The following PARD3 variants were observed in gnomAD, a reference collection of about 807,000 sequenced individuals.
PARD3 encodes the protein par-3 family cell polarity regulator.
In PARD3, 75 loss-of-function variants were observed where a neutral mutation model predicts 155.4. That is an observed-to-expected ratio of 0.48 (90% CI 0.40 to 0.58). The LOEUF (loss-of-function observed/expected upper bound fraction) is 0.58, where lower values mean the gene tolerates loss of function less well. PARD3 is among the 20% of genes least tolerant of loss of function. The pLI, the probability that PARD3 is intolerant of heterozygous loss-of-function variation, is 0.00. For missense variants in PARD3, 1,642 were observed against 1,721.7 expected (o/e 0.95, Z 0.82); for synonymous variants, 576 against 610.5 (o/e 0.94, Z 0.83).
Position 34,380,321 on chromosome 10 carries a change from T to G in PARD3, c.1400-2215A>C, listed in dbSNP as rs74882399. On this transcript the variant is annotated intron_variant, in intron 9 of 24. Coordinates refer to ENST00000374788, the MANE Select transcript of PARD3 (RefSeq NM_001184785.2). ...CAAGATAGATCTATGGGACTCTATA[T>G]CATTAAGATTACTCAAGGTCTGAAA... Among the ~76,000 whole-genome samples, 721 of 152,262 alleles carry G rather than the reference T, an allele frequency of 4.7e-3. 9 individuals carry two copies. Among genetic ancestry groups the G allele is most frequent in the African/African-American group, 0.017 (698 of 41,580 alleles).
chr10:34,790,229 G>A (rs1490983268), intron 1 of PARD3, among the ~76,000 whole-genome samples: 1 of 152,200 alleles, frequency 6.6e-6, no homozygotes, highest in Non-Finnish European at 1.5e-5. Context: ...ACAAATTGTA[G>A]AGTGTATGTG....
chr10:34,222,105 T>A (rs965999382), intron 22 of PARD3, among the ~76,000 whole-genome samples: 1 of 152,248 alleles, frequency 6.6e-6, no homozygotes, highest in Admixed American at 6.5e-5. Flanking sequence ...TTATTTTATT[T>A]TTCTTAGAGT....
chr10:34,677,082 T>A (rs987564981), intron 2 of PARD3, among the ~76,000 whole-genome samples: 1 of 152,226 alleles, frequency 6.6e-6, no homozygotes, highest in Non-Finnish European at 1.5e-5. Context: ...TGGTGGCAGT[T>A]TCTGCGGAAG....
At chr10:34,298,357 G>T (rs1364950025) in intron 20 of PARD3, among the ~76,000 whole-genome samples, 1 of 152,078 alleles carries the variant, frequency 6.6e-6, no homozygotes, top group African/African-American at 2.4e-5. Context: ...AGCGTGCATC[G>T]ACGTGGGAAT....
At chr10:34,804,947 G>C (rs1486858618) in intron 1 of PARD3, among the ~76,000 whole-genome samples, 2 of 152,198 alleles carry the variant, frequency 1.3e-5, no homozygotes, top group Non-Finnish European at 2.9e-5. Context: ...GATTTCTTAA[G>C]TGTTGAAGAA....
chr10:34,450,183 A>G (rs2076982933), intron 5 of PARD3, 134 bp downstream of exon 5: 2 of 759,480 alleles, frequency 2.6e-6, no homozygotes, highest in Admixed American at 5.3e-5. Context: ...TGACATAGAG[A>G]TTGGTACTTA....
intron 2 of PARD3, among the ~76,000 whole-genome samples, chr10:34,589,231 C>A (rs2088404287): frequency 6.6e-6 from 1 of 152,116 alleles, no homozygotes; most frequent in African/African-American, 2.4e-5. Context: ...AGAGTGTACC[C>A]TTAAATTCAT....
chr10:34,712,677 G>A (rs1391213586), intron 1 of PARD3, among the ~76,000 whole-genome samples: 1 of 152,124 alleles, frequency 6.6e-6, no homozygotes, highest in Non-Finnish European at 1.5e-5. Context: ...ACATTAGGAA[G>A]GGAGACACTG....
intron 5 of PARD3, among the ~76,000 whole-genome samples, chr10:34,435,386 G>C (rs368995903): frequency 1.3e-5 from 2 of 152,096 alleles, no homozygotes; most frequent in Non-Finnish European, 2.9e-5. Flanking sequence ...TACCAGCCAG[G>C]ACTTCCAAAT....
chr10:34,328,356 G>A (rs761975308), intron 19 of PARD3, among the ~76,000 whole-genome samples: 6 of 152,158 alleles, frequency 3.9e-5, no homozygotes, highest in Non-Finnish European at 5.9e-5. Flanking sequence ...AGGTGAGGGG[G>A]TTAGCGTGCC....
intron 22 of PARD3, among the ~76,000 whole-genome samples, chr10:34,191,056 T>C (rs1950685549): frequency 6.6e-6 from 1 of 151,978 alleles, no homozygotes; most frequent in Non-Finnish European, 1.5e-5. Flanking sequence ...GGAAATGTTA[T>C]GTGAGATTTG....
intron 2 of PARD3, among the ~76,000 whole-genome samples, chr10:34,591,325 T>C (rs989883396): frequency 2.6e-5 from 4 of 152,184 alleles, no homozygotes; most frequent in Non-Finnish European, 5.9e-5. Flanking sequence ...ATGGTCTTTC[T>C]GTTTTTCTAT....
chr10:34,139,201 TC>T (rs1400877115), intron 22 of PARD3, among the ~76,000 whole-genome samples: 1 of 152,220 alleles, frequency 6.6e-6, no homozygotes, highest in Non-Finnish European at 1.5e-5. Context: ...GGTTAAAGCT[TC>T]TAAGACTCAA....
intron 1 of PARD3, among the ~76,000 whole-genome samples, chr10:34,756,374 T>C (rs1345441479): frequency 6.7e-6 from 1 of 150,150 alleles, no homozygotes; most frequent in Non-Finnish European, 1.5e-5. Flanking sequence ...AGGATGGTCT[T>C]GATCTCCTGA....
chr10:34,655,688 A>G (rs1233066877), intron 2 of PARD3, among the ~76,000 whole-genome samples: 1 of 152,222 alleles, frequency 6.6e-6, no homozygotes, highest in East Asian at 1.9e-4. Flanking sequence ...CTTCCTCAAG[A>G]GCAGTAATAA....
intron 1 of PARD3, among the ~76,000 whole-genome samples, chr10:34,807,860 G>A (rs1400210895): frequency 1.3e-5 from 2 of 151,950 alleles, no homozygotes; most frequent in East Asian, 3.9e-4. Context: ...GGAGAAAAAA[G>A]GAATACACAA....
At chr10:34,544,466 G>A (rs1457018099) in intron 2 of PARD3, among the ~76,000 whole-genome samples, 2 of 152,096 alleles carry the variant, frequency 1.3e-5, no homozygotes, top group African/African-American at 2.4e-5. Flanking sequence ...TATTTACTCA[G>A]GGGGTTTAAA....
At chr10:34,605,079 T>C (rs565968092) in intron 2 of PARD3, among the ~76,000 whole-genome samples, 2 of 151,800 alleles carry the variant, frequency 1.3e-5, no homozygotes, top group Non-Finnish European at 2.9e-5. Context: ...TAATTATTAA[T>C]GAAAATAATT....
intron 2 of PARD3, among the ~76,000 whole-genome samples, chr10:34,673,760 T>A (rs908750892): frequency 1.3e-4 from 19 of 151,842 alleles, no homozygotes; most frequent in African/African-American, 3.9e-4. Context: ...GAAGAAAAGA[T>A]ATCGAGACAG....
Sources: allele counts gnomAD v4.1 joint callset (sites outside exome capture counted in the v4.1 genomes callset), GRCh38; gene constraint gnomAD v4.1.1; transcripts MANE v1.5; gene names NCBI Gene and HGNC (gene_info 2026-07-23, HGNC 2026-07-21).